Variants in EYS observed in about 807,000 individuals in gnomAD.
EYS encodes the protein EGF-like photoreceptor maintenance factor.
Under a neutral mutation model 282.1 loss-of-function variants are expected in EYS, and 250 were observed. The ratio of observed to expected loss-of-function variants is 0.89; its 90% confidence interval spans 0.80 to 0.98. EYS has a LOEUF of 0.98. Ranked by LOEUF, EYS falls within the 50% of genes least tolerant of loss-of-function variation. The probability of loss-of-function intolerance (pLI) is 0.00; values close to 1 mark genes in which losing one functional copy is unlikely to be tolerated. For missense variants in EYS, 4,016 were observed against 3,709.0 expected (o/e 1.08, Z -2.15); for synonymous variants, 1,355 against 1,282.9 (o/e 1.06, Z -1.20).
intron 12 of EYS, among the ~76,000 whole-genome samples, chr6:65,265,300 G>A (rs190196062): frequency 3.3e-5 from 5 of 152,022 alleles, no homozygotes; most frequent in African/African-American, 7.2e-5. Flanking sequence ...CTTTGTTATC[G>A]CATAGAACCT....
chr6:64,624,784 G>A (rs755461598), intron 23 of EYS, among the ~76,000 whole-genome samples: 27 of 152,052 alleles, frequency 1.8e-4, no homozygotes, highest in African/African-American at 5.1e-4. Flanking sequence ...TATTATTTCC[G>A]TGGTGGGCCC....
At chr6:63,924,523 G>A (rs905993625) in intron 35 of EYS, among the ~76,000 whole-genome samples, 12 of 152,240 alleles carry the variant, frequency 7.9e-5, no homozygotes, top group African/African-American at 2.7e-4. Flanking sequence ...AATGCAAGGT[G>A]TGCTAACAAT....
chr6:64,933,060 C>G (rs1768779946), intron 15 of EYS, among the ~76,000 whole-genome samples: 1 of 151,892 alleles, frequency 6.6e-6, no homozygotes, highest in Admixed American at 6.6e-5. Context: ...TAAATAGAAA[C>G]TGCCTTTGAG....
At chr6:63,882,914 G>A (rs1773169161) in intron 35 of EYS, among the ~76,000 whole-genome samples, 1 of 152,122 alleles carries the variant, frequency 6.6e-6, no homozygotes, top group South Asian at 2.1e-4. Flanking sequence ...GCAAAAAGGA[G>A]ATTTGAAAAA....
At chr6:64,630,727 A>G (rs541136907) in intron 22 of EYS, among the ~76,000 whole-genome samples, 3 of 152,254 alleles carry the variant, frequency 2.0e-5, no homozygotes, top group East Asian at 3.9e-4. Flanking sequence ...TAAACTTTTA[A>G]TGTTAAACTT....
At chr6:64,138,487 G>C (rs565466830) in intron 31 of EYS, among the ~76,000 whole-genome samples, 6 of 152,146 alleles carry the variant, frequency 3.9e-5, no homozygotes, top group Non-Finnish European at 8.8e-5. Flanking sequence ...CAAGGAATAA[G>C]AGGGCATATA....
intron 5 of EYS, among the ~76,000 whole-genome samples, chr6:65,459,375 G>T (rs1434715771): frequency 6.6e-6 from 1 of 152,006 alleles, no homozygotes; most frequent in Admixed American, 6.6e-5. Context: ...GTCATTATCT[G>T]TATATTATTT....
chr6:65,411,672 T>G (rs983695644), intron 5 of EYS, among the ~76,000 whole-genome samples: 6 of 152,080 alleles, frequency 3.9e-5, no homozygotes, highest in Non-Finnish European at 7.4e-5. Context: ...ACCATCGATT[T>G]TCTCCATCTC....
At chr6:65,256,604 AT>A (rs1367093258) in intron 12 of EYS, among the ~76,000 whole-genome samples, 6 of 61,470 alleles carry the variant, frequency 9.8e-5, no homozygotes, top group South Asian at 1.1e-3. Context: ...TGAACTCATC[AT>A]TTTTTATGGC....
chr6:64,353,335 T>G (rs945573736), intron 29 of EYS, among the ~76,000 whole-genome samples: 1 of 151,570 alleles, frequency 6.6e-6, no homozygotes, highest in Non-Finnish European at 1.5e-5. Context: ...GTAGCAATCC[T>G]GTGAGCACTA....
chr6:64,828,079 AT>A (rs1399603694), intron 19 of EYS, among the ~76,000 whole-genome samples: 1 of 151,946 alleles, frequency 6.6e-6, no homozygotes, highest in African/African-American at 2.4e-5. Flanking sequence ...AACTATAAAA[AT>A]ATTCAAATTT....
intron 13 of EYS, among the ~76,000 whole-genome samples, chr6:65,016,105 T>C (rs1324489688): frequency 6.7e-6 from 1 of 149,576 alleles, no homozygotes; most frequent in Non-Finnish European, 1.5e-5. Flanking sequence ...GGCTCACACC[T>C]GTAATCCCAG....
chr6:65,132,224 C>T (rs1775899604), intron 12 of EYS, among the ~76,000 whole-genome samples: 1 of 152,012 alleles, frequency 6.6e-6, no homozygotes, highest in South Asian at 2.1e-4. Context: ...AGGCCAGCAT[C>T]ATTCTGATAC....
At position 64,906,282 on chromosome 6, in the gene EYS, A is replaced by G. The variant is rs531582204; in HGVS notation, c.2642-3782T>C. ...ATCTATTTTTAAAGTGAACTTAAAA[A>G]AAAGAAGAGCTAATATTTTAGAAAG... On this transcript the variant is annotated intron_variant, in intron 16 of 42. Transcript: ENST00000503581. Among the ~76,000 whole-genome samples the G allele has an allele frequency of 2.0e-5, 3 of 152,022 alleles. No homozygotes were observed. The East Asian group carries it at 5.8e-4, about 29-fold the overall frequency.
chr6:65,052,658 T>C (rs1055901013), intron 13 of EYS, among the ~76,000 whole-genome samples: 1 of 151,682 alleles, frequency 6.6e-6, no homozygotes, highest in Non-Finnish European at 1.5e-5. Flanking sequence ...ATAATAATTA[T>C]ATCAGGGAAA....
At chr6:64,283,442 T>C (rs1021564611) in intron 30 of EYS, among the ~76,000 whole-genome samples, 1 of 152,208 alleles carries the variant, frequency 6.6e-6, no homozygotes, top group Non-Finnish European at 1.5e-5. Context: ...TAGTTCACAC[T>C]GTATTCTCAA....
intron 22 of EYS, among the ~76,000 whole-genome samples, chr6:64,739,585 C>G (rs1495539): frequency 0.02 from 3,005 of 152,240 alleles, 96 homozygotes; most frequent in East Asian, 0.15. Flanking sequence ...TTTATTTTCT[C>G]TATATCCCAG....
Position 65,343,543 on chromosome 6 carries a change from T to C in EYS, c.1599+495A>G, listed in dbSNP as rs144964011. Among the ~76,000 whole-genome samples, 8 of 151,412 alleles carry C rather than the reference T, an allele frequency of 5.3e-5. No homozygotes were observed. The East Asian group carries it at 9.8e-4, about 18-fold the overall frequency. On this transcript the variant is annotated intron_variant, in intron 10 of 42. Coordinates refer to ENST00000503581, the MANE Select transcript of EYS (RefSeq NM_001142800.2). Reference sequence around the variant, plus strand: ...GGGGATAAAAGGAGGGCCTCTCTTTTATTCTTGCCATAGGCCTCACAATTT... The same window carrying C: ...GGGGATAAAAGGAGGGCCTCTCTTTCATTCTTGCCATAGGCCTCACAATTT...
chr6:64,813,697 C>T (rs1022340447), intron 21 of EYS, 120 bp from the exon 22 acceptor site: 8 of 575,594 alleles, frequency 1.4e-5, no homozygotes, highest in African/African-American at 1.2e-4. Context: ...TTTGACATTT[C>T]CTTCCTCTGT....
Sources: allele counts gnomAD v4.1 joint callset (sites outside exome capture counted in the v4.1 genomes callset), GRCh38; gene constraint gnomAD v4.1.1; transcripts MANE v1.5; gene names NCBI Gene and HGNC (gene_info 2026-07-23, HGNC 2026-07-21).